ERC1: variants seen among roughly 807,000 people sequenced by gnomAD.
The protein encoded by ERC1 is ELKS/RAB6-interacting/CAST family member 1, also known as RAB6 interacting protein 2.
ERC1 carries 56 observed loss-of-function variants against 132.0 expected under a neutral mutation model. That is an observed-to-expected ratio of 0.42 (90% CI 0.34 to 0.53). The LOEUF (loss-of-function observed/expected upper bound fraction) is 0.53. Ranked by LOEUF, ERC1 falls within the 20% of genes least tolerant of loss-of-function variation. The probability of loss-of-function intolerance (pLI) is 0.03; values close to 1 mark genes in which losing one functional copy is unlikely to be tolerated. For missense variants in ERC1, 1,202 were observed against 1,349.9 expected (o/e 0.89, Z 1.72); for synonymous variants, 478 against 476.1 (o/e 1.00, Z -0.05).
chr12:1,302,722 C>T (rs1041963932), intron 15 of ERC1, among the ~76,000 whole-genome samples: 3 of 152,126 alleles, frequency 2.0e-5, no homozygotes, highest in African/African-American at 7.2e-5. Flanking sequence ...AATCCCAGCA[C>T]TTTGGGGCCA....
chr12:1,154,354 TACACACAC>T (rs35510985), intron 8 of ERC1, among the ~76,000 whole-genome samples: 6,164 of 145,818 alleles, frequency 0.042, 445 homozygotes, highest in African/African-American at 0.15. Flanking sequence ...TGTGTGTTTA[TACACACAC>T]ACACACACAC....
At chr12:1,201,910 G>A (rs1429419281) in intron 12 of ERC1, among the ~76,000 whole-genome samples, 2 of 152,154 alleles carry the variant, frequency 1.3e-5, no homozygotes, top group African/African-American at 2.4e-5. Flanking sequence ...TGGTTAGAGT[G>A]GAAGAGAGAT....
At chr12:1,431,820 A>G (rs1259915213) in intron 17 of ERC1, among the ~76,000 whole-genome samples, 1 of 152,226 alleles carries the variant, frequency 6.6e-6, no homozygotes, top group Non-Finnish European at 1.5e-5. Context: ...TTACCCTGTT[A>G]TCTGAGATTG....
intron 2 of ERC1, among the ~76,000 whole-genome samples, chr12:1,077,921 A>T (rs1314458588): frequency 6.6e-6 from 1 of 152,194 alleles, no homozygotes; most frequent in Admixed American, 6.5e-5. Context: ...ATGTTGGTTT[A>T]TATTTTAGTG....
chr12:1,272,162 T>TA (rs1216974688), intron 14 of ERC1, among the ~76,000 whole-genome samples: 4 of 152,322 alleles, frequency 2.6e-5, no homozygotes, highest in Admixed American at 1.3e-4. Context: ...AAGAAATAGT[T>TA]ACTACATCTG....
intron 8 of ERC1, among the ~76,000 whole-genome samples, chr12:1,157,725 T>G (rs1951533422): frequency 6.6e-6 from 1 of 152,198 alleles, no homozygotes; most frequent in Non-Finnish European, 1.5e-5. Context: ...ATCTCAGAAG[T>G]CAAGTGAAGA....
intron 10 of ERC1, among the ~76,000 whole-genome samples, chr12:1,182,630 A>G (rs919233952): frequency 6.6e-6 from 1 of 151,778 alleles, no homozygotes. Flanking sequence ...AATTCCTAAT[A>G]GAATTTTTCT....
intron 1 of ERC1, among the ~76,000 whole-genome samples, chr12:1,007,540 C>CTCTCTCTGTGTGTGTGTG (rs1555194875): frequency 1.1e-4 from 14 of 122,786 alleles, no homozygotes; most frequent in African/African-American, 3.4e-4. Flanking sequence ...CTCTCTCTCT[C>CTCTCTCTGTGTGTGTGTG]TGTGTGTGTG....
At chr12:1,216,935 A>G (rs1211171897) in intron 12 of ERC1, among the ~76,000 whole-genome samples, 6 of 152,182 alleles carry the variant, frequency 3.9e-5, no homozygotes, top group African/African-American at 9.7e-5. Context: ...GGAAGAGGTT[A>G]TATACACTTA....
intron 15 of ERC1, among the ~76,000 whole-genome samples, chr12:1,303,113 T>C (rs1006427719): frequency 2.0e-5 from 3 of 152,236 alleles, no homozygotes; most frequent in African/African-American, 7.2e-5. Flanking sequence ...ATCTTTTTGC[T>C]GGTGGAGGGT....
intron 2 of ERC1, among the ~76,000 whole-genome samples, chr12:1,079,185 T>C (rs1382717139): frequency 6.8e-6 from 1 of 146,922 alleles, no homozygotes; most frequent in African/African-American, 2.5e-5. Flanking sequence ...TGATTTGTAA[T>C]ATGACAAAAG....
chr12:1,313,425 A>T (rs777361640), intron 15 of ERC1, among the ~76,000 whole-genome samples: 49 of 152,198 alleles, frequency 3.2e-4, no homozygotes, highest in Non-Finnish European at 3.8e-4. Flanking sequence ...GATGGAGTGG[A>T]TGGATATTAA....
chr12:1,093,955 T>TTTTATATATATATATA (rs1469024496), intron 3 of ERC1, among the ~76,000 whole-genome samples: 3 of 16,138 alleles, frequency 1.9e-4, no homozygotes, highest in Non-Finnish European at 5.4e-4. Flanking sequence ...ATATATATTT[T>TTTTATATATATATATA]TCTATATATA....
At chr12:1,166,375 A>G (rs1381988961) in intron 8 of ERC1, among the ~76,000 whole-genome samples, 3 of 152,116 alleles carry the variant, frequency 2.0e-5, no homozygotes, top group Non-Finnish European at 4.4e-5. Flanking sequence ...TTCCAACATG[A>G]TTGTGAGGCC....
intron 16 of ERC1, among the ~76,000 whole-genome samples, chr12:1,381,578 G>T (rs2088672429): frequency 6.6e-6 from 1 of 152,064 alleles, no homozygotes; most frequent in Non-Finnish European, 1.5e-5. Context: ...CCCTAAATTT[G>T]TGTATATTAA....
intron 3 of ERC1, among the ~76,000 whole-genome samples, chr12:1,095,808 G>A (rs1943947271): frequency 6.6e-6 from 1 of 152,154 alleles, no homozygotes; most frequent in African/African-American, 2.4e-5. Flanking sequence ...TGAACTGTAA[G>A]GTGCAGGCTT....
chr12:1,054,772 G>A (rs531268578), intron 2 of ERC1, among the ~76,000 whole-genome samples: 1 of 152,280 alleles, frequency 6.6e-6, no homozygotes, highest in East Asian at 1.9e-4. Flanking sequence ...ATGCCCAGTA[G>A]TATGCTGTGT....
At chr12:1,368,280 A>G (rs901821865) in intron 15 of ERC1, among the ~76,000 whole-genome samples, 9 of 152,142 alleles carry the variant, frequency 5.9e-5, no homozygotes, top group Non-Finnish European at 1.2e-4. Flanking sequence ...ACTCAGATTA[A>G]AAGAAGTTAT....
chr12:1,066,279 G>A (rs960911475), intron 2 of ERC1, among the ~76,000 whole-genome samples: 11 of 152,182 alleles, frequency 7.2e-5, no homozygotes, highest in Admixed American at 5.9e-4. Context: ...GATTTACCGG[G>A]AGCTGGAGCC....
Sources: allele counts gnomAD v4.1 joint callset (sites outside exome capture counted in the v4.1 genomes callset), GRCh38; gene constraint gnomAD v4.1.1; transcripts MANE v1.5; gene names NCBI Gene and HGNC (gene_info 2026-07-23, HGNC 2026-07-21).